Variants in ZSWIM6 observed in about 807,000 individuals in gnomAD.
ZSWIM6 encodes the protein zinc finger SWIM-type containing 6, also known as zinc finger SWIM domain-containing protein 6.
ZSWIM6 carries 9 observed loss-of-function variants against 113.2 expected under a neutral mutation model. The ratio of observed to expected loss-of-function variants is 0.08; its 90% CI spans 0.05 to 0.14. The LOEUF (loss-of-function observed/expected upper bound fraction) is 0.14. Among genes scored for constraint, ZSWIM6 ranks in the 10% least tolerant of loss-of-function variants. ZSWIM6 has a pLI of 1.00. For synonymous variants in ZSWIM6, 611 were observed against 606.5 expected, an observed-to-expected ratio of 1.01 and a Z score of -0.11; for missense variants, 1,162 against 1,552.2, an observed-to-expected ratio of 0.75 and a Z score of 4.22.
chr5:61,476,332 G>T (rs1747706269), intron 2 of ZSWIM6, among the ~76,000 whole-genome samples: 1 of 152,108 alleles, frequency 6.6e-6, no homozygotes, highest in African/African-American at 2.4e-5. Flanking sequence ...TTGCAATAGT[G>T]TGTAGATAAA....
chr5:61,509,751 AT>A (rs2112243095), intron 4 of ZSWIM6, among the ~76,000 whole-genome samples: 1 of 152,338 alleles, frequency 6.6e-6, no homozygotes, highest in South Asian at 2.1e-4. Context: ...CCAAGTGGAA[AT>A]TAATTGTTCC....
chr5:61,387,558 T>C (rs1351728196), intron 1 of ZSWIM6, among the ~76,000 whole-genome samples: 3 of 152,052 alleles, frequency 2.0e-5, no homozygotes, highest in Admixed American at 6.5e-5. Context: ...CCCAGTTACT[T>C]GGGAGGCTGA....
At chr5:61,478,761 T>G (rs1291694183) in intron 2 of ZSWIM6, among the ~76,000 whole-genome samples, 2 of 151,952 alleles carry the variant, frequency 1.3e-5, no homozygotes, top group Non-Finnish European at 2.9e-5. Context: ...TTCTTAGTAG[T>G]AGAAATGCCA....
chr5:61,535,992 A>AGGGAGTATAT (rs1270325188), intron 10 of ZSWIM6, among the ~76,000 whole-genome samples: 1 of 152,258 alleles, frequency 6.6e-6, no homozygotes, highest in Non-Finnish European at 1.5e-5. Flanking sequence ...TACTGGCTTG[A>AGGGAGTATAT]ATATAATTGA....
chr5:61,368,589 C>T (rs1309914721), intron 1 of ZSWIM6, among the ~76,000 whole-genome samples: 3 of 152,132 alleles, frequency 2.0e-5, no homozygotes, highest in Non-Finnish European at 4.4e-5. Flanking sequence ...GGCTTTGGCT[C>T]AGTAGGAGGC....
At chr5:61,535,043 G>C (rs933700139) in intron 9 of ZSWIM6, among the ~76,000 whole-genome samples, 3 of 152,106 alleles carry the variant, frequency 2.0e-5, no homozygotes, top group Non-Finnish European at 4.4e-5. Context: ...CTGGAAACCT[G>C]GCATATTTGT....
At position 61,436,387 on chromosome 5, in the gene ZSWIM6, G is replaced by GT. The variant is rs113265471; in HGVS notation, c.677-36287dup. Among the ~76,000 whole-genome samples, 1,085 of 152,064 alleles carry GT rather than the reference G, an allele frequency of 7.1e-3. 10 individuals are homozygous for GT. Among genetic ancestry groups the GT allele is most frequent in the African/African-American group, 0.022 (909 of 41,470 alleles). On this transcript the variant is annotated intron_variant, in intron 1 of 13. Transcript: ENST00000252744. ...TAACTTAGTTTTTCCTCCTGGATGTGTTTTTTTAGTTTATTTCTTAAGATC... is the reference window on the plus strand; with the variant it reads ...TAACTTAGTTTTTCCTCCTGGATGTGTTTTTTTTAGTTTATTTCTTAAGATC...
At chr5:61,448,792 A>G (rs1350904355) in intron 1 of ZSWIM6, among the ~76,000 whole-genome samples, 3 of 152,224 alleles carry the variant, frequency 2.0e-5, no homozygotes, top group African/African-American at 7.2e-5. Context: ...AATGAAGAGA[A>G]AGGATAAGGC....
At chr5:61,444,773 T>C (rs1261616850) in intron 1 of ZSWIM6, among the ~76,000 whole-genome samples, 5 of 152,192 alleles carry the variant, frequency 3.3e-5, no homozygotes, top group African/African-American at 1.2e-4. Context: ...TACCCACCTC[T>C]TCTGTGATAC....
At chr5:61,407,492 T>C (rs1253669156) in intron 1 of ZSWIM6, among the ~76,000 whole-genome samples, 1 of 152,152 alleles carries the variant, frequency 6.6e-6, no homozygotes, top group Non-Finnish European at 1.5e-5. Context: ...GCAGAAACCA[T>C]GAAACAGATA....
At position 61,434,501 on chromosome 5, in the gene ZSWIM6, G is replaced by A. The variant is rs144687559; in HGVS notation, c.677-38180G>A. Among the ~76,000 whole-genome samples the A allele has an allele frequency of 3.2e-4, 48 of 148,072 alleles. No homozygotes were observed. In the East Asian group the frequency reaches 3.6e-3, roughly 11 times the overall value. On this transcript the variant is annotated intron_variant, in intron 1 of 13. Transcript: ENST00000252744. The stretch of plus-strand genomic sequence containing the variant: ...TCCCTTATATCATTCTTATGCCTTC[G>A]CATCCTATAGTTTAGTTCCCACTTG...
At chr5:61,410,965 T>A (rs1451341216) in intron 1 of ZSWIM6, among the ~76,000 whole-genome samples, 1 of 152,216 alleles carries the variant, frequency 6.6e-6, no homozygotes, top group Non-Finnish European at 1.5e-5. Context: ...AACGCTTTTA[T>A]GAAGACGTAA....
intron 7 of ZSWIM6, among the ~76,000 whole-genome samples, chr5:61,528,209 A>G (rs1020880494): frequency 1.3e-5 from 2 of 152,152 alleles, no homozygotes; most frequent in Admixed American, 1.3e-4. Flanking sequence ...AGTAAATGGA[A>G]TATCTTATAC....
intron 7 of ZSWIM6, 98 bp from the exon 8 acceptor site, chr5:61,529,954 G>A: frequency 9.2e-7 from 1 of 1,089,760 alleles, no homozygotes; most frequent in Non-Finnish European, 1.3e-6. Context: ...TGGTTTATCA[G>A]GATGCTGCTA....
chr5:61,499,003 T>C (rs1204527415), intron 4 of ZSWIM6, among the ~76,000 whole-genome samples: 1 of 152,118 alleles, frequency 6.6e-6, no homozygotes. Flanking sequence ...TCAAACTAAC[T>C]CAAGCTTGCC....
At chr5:61,462,667 C>T (rs1747345060) in intron 1 of ZSWIM6, among the ~76,000 whole-genome samples, 1 of 152,160 alleles carries the variant, frequency 6.6e-6, no homozygotes, top group African/African-American at 2.4e-5. Flanking sequence ...TTGAAAACGC[C>T]AAGCTTCCCA....
intron 4 of ZSWIM6, among the ~76,000 whole-genome samples, chr5:61,509,528 G>C (rs1180078005): frequency 6.6e-6 from 1 of 152,128 alleles, no homozygotes; most frequent in Non-Finnish European, 1.5e-5. Context: ...AGTAGGTAAG[G>C]ATGCAGTTGA....
At chr5:61,468,569 C>T (rs1006759215) in intron 1 of ZSWIM6, among the ~76,000 whole-genome samples, 1 of 152,122 alleles carries the variant, frequency 6.6e-6, no homozygotes, top group African/African-American at 2.4e-5. Context: ...ATTTGCAGCC[C>T]TAAAACAGCT....
rs199586594 is a variant in ZSWIM6 at position 61,543,615 on chromosome 5, A to G, written c.2946A>G (p.Thr982=). 1.3e-6 allele frequency: 2 copies of G among 1,551,666 alleles called. No individual in the cohort carries two copies. The highest frequency in any genetic ancestry group is 1.4e-5 in the African/African-American group (1 of 73,056). Residue 982 remains threonine, a synonymous_variant, in exon 14 of 14, where the codon ACA becomes ACG. Transcript: ENST00000252744. The surrounding 1 kb of genome is among the most constrained non-coding windows in gnomAD (Gnocchi z 4.3). The part of the protein sequence containing the change: ...QQEKLASSAR[T]LALQCAMKDP... ...AAAAGCTGGCCAGCAGCGCCCGGACACTTGCACTGCAGTGTGCCATGAAGG... is the reference window on the plus strand; with the variant it reads ...AAAAGCTGGCCAGCAGCGCCCGGACGCTTGCACTGCAGTGTGCCATGAAGG...
Sources: allele counts gnomAD v4.1 joint callset (sites outside exome capture counted in the v4.1 genomes callset), GRCh38; gene constraint gnomAD v4.1.1; non-coding constraint Gnocchi (gnomAD v3.1); transcripts MANE v1.5; gene names NCBI Gene and HGNC (gene_info 2026-07-23, HGNC 2026-07-21).